KCNAB1: variants seen among roughly 807,000 people sequenced by gnomAD.
KCNAB1 encodes voltage-gated potassium channel subunit beta-1.
A neutral mutation model predicts 64.6 loss-of-function variants in KCNAB1; 35 were observed. That is an observed-to-expected ratio of 0.54 (90% CI 0.41 to 0.72). The LOEUF (loss-of-function observed/expected upper bound fraction) is 0.72. Among genes scored for constraint, KCNAB1 ranks in the 30% least tolerant of loss-of-function variants. The pLI is 0.00. For missense variants in KCNAB1, 401 were observed against 512.9 expected (o/e 0.78, Z 2.11); for synonymous variants, 177 against 183.8 (o/e 0.96, Z 0.30).
At chr3:156,390,714 C>T (rs902222625) in intron 1 of KCNAB1, among the ~76,000 whole-genome samples, 2 of 152,094 alleles carry the variant, frequency 1.3e-5, no homozygotes, top group Non-Finnish European at 2.9e-5. Context: ...TCCCGAGTAG[C>T]TGGGACTACA....
At chr3:156,483,305 C>A (rs1350844110) in intron 8 of KCNAB1, among the ~76,000 whole-genome samples, 1 of 152,146 alleles carries the variant, frequency 6.6e-6, no homozygotes, top group Non-Finnish European at 1.5e-5. Flanking sequence ...GGACTATTTG[C>A]ATTCCTTGCA....
At chr3:156,514,896 T>C (rs1483336322) in intron 9 of KCNAB1, among the ~76,000 whole-genome samples, 1 of 152,186 alleles carries the variant, frequency 6.6e-6, no homozygotes, top group Non-Finnish European at 1.5e-5. Flanking sequence ...ATCCAAACCC[T>C]CCCAAAGAAT....
chr3:156,485,469 C>T (rs1347389493), intron 8 of KCNAB1, among the ~76,000 whole-genome samples: 7 of 151,996 alleles, frequency 4.6e-5, no homozygotes, highest in Non-Finnish European at 8.8e-5. Context: ...AATCATCATA[C>T]TCAAGAATAT....
chr3:156,512,087 C>T (rs1717252112), intron 8 of KCNAB1, among the ~76,000 whole-genome samples: 1 of 152,180 alleles, frequency 6.6e-6, no homozygotes, highest in South Asian at 2.1e-4. Flanking sequence ...CTTTCATTTC[C>T]TGTCCCAGTC....
At chr3:156,278,759 G>A (rs1719502911) in intron 1 of KCNAB1, among the ~76,000 whole-genome samples, 1 of 151,998 alleles carries the variant, frequency 6.6e-6, no homozygotes. Flanking sequence ...AAAACTCGCA[G>A]AGTCGGTGTC....
At chr3:156,285,235 A>G (rs1720030897) in intron 1 of KCNAB1, among the ~76,000 whole-genome samples, 1 of 152,218 alleles carries the variant, frequency 6.6e-6, no homozygotes, top group South Asian at 2.1e-4. Context: ...CTTATCTTTG[A>G]AAACAAATTC....
chr3:156,164,191 A>G (rs1489401478), intron 1 of KCNAB1, among the ~76,000 whole-genome samples: 2 of 152,202 alleles, frequency 1.3e-5, no homozygotes, highest in African/African-American at 2.4e-5. Flanking sequence ...GCCTAACTTT[A>G]TGGTTTAGAT....
chr3:156,211,527 T>C (rs36101183), intron 1 of KCNAB1, among the ~76,000 whole-genome samples: 18,062 of 152,210 alleles, frequency 0.12, 1,240 homozygotes, highest in Non-Finnish European at 0.15. Flanking sequence ...CTCAGCTTAA[T>C]AACCCCAGGT....
At chr3:156,272,326 A>G (rs1333618570) in intron 1 of KCNAB1, among the ~76,000 whole-genome samples, 1 of 152,224 alleles carries the variant, frequency 6.6e-6, no homozygotes, top group African/African-American at 2.4e-5. Flanking sequence ...AGGTGGGTCC[A>G]GAGATACTGT....
At chr3:156,279,019 GGTTA>G (rs1236584195) in intron 1 of KCNAB1, among the ~76,000 whole-genome samples, 2 of 151,550 alleles carry the variant, frequency 1.3e-5, no homozygotes, top group African/African-American at 4.9e-5. Flanking sequence ...ACATTGTGCA[GGTTA>G]GTTACATATG....
At chr3:156,285,068 C>T (rs769101649) in intron 1 of KCNAB1, among the ~76,000 whole-genome samples, 2 of 151,974 alleles carry the variant, frequency 1.3e-5, no homozygotes, top group African/African-American at 2.4e-5. Flanking sequence ...AGGGAGGCAG[C>T]GTGAGTTTAA....
intron 1 of KCNAB1, among the ~76,000 whole-genome samples, chr3:156,297,122 A>G (rs1052715761): frequency 2.0e-5 from 3 of 152,162 alleles, no homozygotes; most frequent in Non-Finnish European, 2.9e-5. Context: ...GGGCTCCCTC[A>G]TGTTACCCAT....
chr3:156,338,155 A>C (rs1304829600), intron 1 of KCNAB1, among the ~76,000 whole-genome samples: 5 of 152,106 alleles, frequency 3.3e-5, no homozygotes. Context: ...CTGGTTGATC[A>C]AGTTCCAAGG....
intron 1 of KCNAB1, among the ~76,000 whole-genome samples, chr3:156,335,853 G>GGTTT (rs1553848761): frequency 0.02 from 2,722 of 135,278 alleles, 109 homozygotes; most frequent in African/African-American, 0.071. Context: ...AATTGTTTGG[G>GGTTT]TTTTTTTTTT....
At chr3:156,522,948 G>T (rs1032771083) in intron 11 of KCNAB1, among the ~76,000 whole-genome samples, 1 of 152,162 alleles carries the variant, frequency 6.6e-6, no homozygotes, top group Non-Finnish European at 1.5e-5. Context: ...CTTTTCCCCT[G>T]GGTGTTGCTG....
chr3:156,348,419 T>C lies in KCNAB1; in HGVS notation c.276-73197T>C, dbSNP rs543055887. 6.6e-5 allele frequency among the ~76,000 whole-genome samples: 10 copies of C among 152,186 alleles called. No homozygotes were observed. In the South Asian group the frequency reaches 1.7e-3, roughly 25 times the overall value. On this transcript the variant is annotated intron_variant, in intron 1 of 13. Coordinates refer to ENST00000490337, the MANE Select transcript of KCNAB1 (RefSeq NM_172160.3). Reference sequence around the variant, plus strand: ...CAGGGCAGTGGGTGGAGTTGAGATATATTAGGGGTGGGACTGACATTTCTT... The same window carrying C: ...CAGGGCAGTGGGTGGAGTTGAGATACATTAGGGGTGGGACTGACATTTCTT...
chr3:156,218,707 A>G (rs1715478038), intron 1 of KCNAB1, among the ~76,000 whole-genome samples: 1 of 151,520 alleles, frequency 6.6e-6, no homozygotes, highest in South Asian at 2.1e-4. Flanking sequence ...GACAGATCAC[A>G]TCACAGGACT....
At chr3:156,211,005 A>C (rs1714970005) in intron 1 of KCNAB1, among the ~76,000 whole-genome samples, 1 of 152,176 alleles carries the variant, frequency 6.6e-6, no homozygotes, top group African/African-American at 2.4e-5. Context: ...TTTAAAAGAG[A>C]GAAAAATTCC....
rs138978046 is a variant in KCNAB1, at chr3:156,524,464, G to A, written c.1081+517G>A. Among the ~76,000 whole-genome samples the A allele has an allele frequency of 6.6e-5, 10 of 152,214 alleles. No individual in the cohort carries two copies. The East Asian group carries it at 1.5e-3, about 23-fold the overall frequency. On this transcript the variant is annotated intron_variant, in intron 12 of 13. Transcript: ENST00000490337. Reference sequence around the variant, plus strand: ...TGCTGGTAACAATTGAAAACCACACGCGGCTGGGCACGGTGGCTCATGCCT... The same window carrying A: ...TGCTGGTAACAATTGAAAACCACACACGGCTGGGCACGGTGGCTCATGCCT...
Sources: allele counts gnomAD v4.1 joint callset (sites outside exome capture counted in the v4.1 genomes callset), GRCh38; gene constraint gnomAD v4.1.1; transcripts MANE v1.5; gene names NCBI Gene and HGNC (gene_info 2026-07-23, HGNC 2026-07-21).